PPP2R2B: variants seen among roughly 807,000 people sequenced by gnomAD.
The protein encoded by PPP2R2B is protein phosphatase 2 regulatory subunit Bbeta, also known as serine/threonine-protein phosphatase 2A 55 kDa regulatory subunit B beta isoform.
In PPP2R2B, 5 loss-of-function variants were observed where a neutral mutation model predicts 46.0. The ratio of observed to expected loss-of-function variants is 0.11; its 90% CI spans 0.06 to 0.23. The LOEUF (loss-of-function observed/expected upper bound fraction) is 0.23. Ranked by LOEUF, PPP2R2B falls within the 10% of genes least tolerant of loss-of-function variation. PPP2R2B has a pLI of 1.00. For missense variants in PPP2R2B, 367 were observed against 575.0 expected, an observed-to-expected ratio of 0.64 and a Z score of 3.70; for synonymous variants, 215 against 206.7, an observed-to-expected ratio of 1.04 and a Z score of -0.34.
At chr5:147,044,744 C>A (rs1198858269) in intron 1 of PPP2R2B, among the ~76,000 whole-genome samples, 1 of 152,086 alleles carries the variant, frequency 6.6e-6, no homozygotes, top group Non-Finnish European at 1.5e-5. Flanking sequence ...TGGTCAACTC[C>A]CCTGAGAGGG....
At chr5:146,938,795 C>T (rs1372742262) in intron 1 of PPP2R2B, among the ~76,000 whole-genome samples, 2 of 119,756 alleles carry the variant, frequency 1.7e-5, no homozygotes, top group Non-Finnish European at 3.2e-5. Context: ...ACAGAGTCTC[C>T]CTCTGTTGTC....
At chr5:146,739,929 AG>A (rs1752764816) in intron 2 of PPP2R2B, among the ~76,000 whole-genome samples, 1 of 152,236 alleles carries the variant, frequency 6.6e-6, no homozygotes, top group Non-Finnish European at 1.5e-5. Context: ...ACTACCAGGG[AG>A]TATCCTTAAC....
intron 1 of PPP2R2B, among the ~76,000 whole-genome samples, chr5:146,939,687 G>A (rs906170446): frequency 3.0e-4 from 45 of 152,114 alleles, no homozygotes; most frequent in African/African-American, 1.1e-3. Context: ...TAGTATTCCT[G>A]CTTGAATAGG....
At chr5:146,593,492 C>T (rs978931559) in intron 8 of PPP2R2B, among the ~76,000 whole-genome samples, 1 of 152,098 alleles carries the variant, frequency 6.6e-6, no homozygotes, top group Non-Finnish European at 1.5e-5. Flanking sequence ...GATTATATAA[C>T]CAAGTAAATA....
intron 7 of PPP2R2B, among the ~76,000 whole-genome samples, chr5:146,619,839 C>T (rs1773525992): frequency 6.6e-6 from 1 of 152,160 alleles, no homozygotes; most frequent in South Asian, 2.1e-4. Context: ...TCTAGAAAAA[C>T]TTCCTGGACA....
rs538030235 is a variant in PPP2R2B at position 146,983,554 on chromosome 5, A to T, written c.79+72111T>A. On this transcript the variant is annotated intron_variant, in intron 1 of 8. Coordinates refer to the PPP2R2B transcript ENST00000336640. ...ACATTATATAAACAAAAGTTATCAC[A>T]CTCTCCTGGGGGCGTCATTTTCCCA... 3.2e-4 allele frequency among the ~76,000 whole-genome samples: 49 copies of T among 152,072 alleles called. 1 individual carries two copies. Among genetic ancestry groups the T allele is most frequent in the African/African-American group, 1.1e-3 (46 of 41,480 alleles).
intron 2 of PPP2R2B, among the ~76,000 whole-genome samples, chr5:147,068,685 A>G (rs945391121): frequency 6.6e-6 from 1 of 152,218 alleles, no homozygotes; most frequent in African/African-American, 2.4e-5. Context: ...TGAATCATTG[A>G]CTGAAGAAAG....
chr5:146,993,807 GT>G (rs35383221), intron 1 of PPP2R2B, among the ~76,000 whole-genome samples: 72,992 of 149,800 alleles, frequency 0.49, 18,807 homozygotes, highest in Middle Eastern at 0.6. Context: ...ATCCAGCACA[GT>G]TTTTTTTTTT....
intron 7 of PPP2R2B, among the ~76,000 whole-genome samples, chr5:146,628,178 A>G (rs576673564): frequency 5.3e-5 from 8 of 152,042 alleles, no homozygotes; most frequent in Non-Finnish European, 8.8e-5. Flanking sequence ...CTCCTGACTT[A>G]AAGTGATCTG....
chr5:146,640,661 C>T (rs1001605015), intron 6 of PPP2R2B, among the ~76,000 whole-genome samples: 3 of 152,198 alleles, frequency 2.0e-5, no homozygotes, highest in Admixed American at 6.5e-5. Context: ...ACCAGTATAG[C>T]TCTGAAAACA....
At chr5:146,756,256 A>G (rs984001957) in intron 2 of PPP2R2B, among the ~76,000 whole-genome samples, 2 of 152,180 alleles carry the variant, frequency 1.3e-5, no homozygotes, top group African/African-American at 2.4e-5. Context: ...GTGGGTTACC[A>G]TTCATTGCCT....
chr5:146,805,792 G>A (rs543527473), intron 2 of PPP2R2B, among the ~76,000 whole-genome samples: 68 of 152,196 alleles, frequency 4.5e-4, no homozygotes, highest in Non-Finnish European at 9.3e-4. Context: ...GGAAGGCTGT[G>A]TTTGCCAACT....
intron 1 of PPP2R2B, among the ~76,000 whole-genome samples, chr5:147,054,034 T>A (rs957045275): frequency 9.2e-5 from 14 of 152,194 alleles, no homozygotes; most frequent in African/African-American, 3.4e-4. Flanking sequence ...CTGGTGATAG[T>A]GGGTGAAGCA....
At chr5:146,952,220 G>T (rs1751647822) in intron 1 of PPP2R2B, among the ~76,000 whole-genome samples, 1 of 151,352 alleles carries the variant, frequency 6.6e-6, no homozygotes, top group South Asian at 2.1e-4. Context: ...CCTTTTTTTG[G>T]GATGACCAAG....
chr5:147,013,315 T>G lies in PPP2R2B; in HGVS notation c.79+42350A>C, dbSNP rs1156982279. ...GTGAAAATGGCCATACTGCCCAAGG[T>G]AATTTACAGATTCAATGCCATCCCC... is the stretch of plus-strand genomic sequence containing the variant. On this transcript the variant is annotated intron_variant, in intron 1 of 8. Transcript: ENST00000336640. Among the ~76,000 whole-genome samples the G allele has an allele frequency of 1.9e-5, 2 of 102,668 alleles. 1 individual carries two copies. The highest frequency in any genetic ancestry group is 2.0e-4 in the Admixed American group (2 of 9,786). 67.4% of individuals were successfully genotyped at this position (102,668 alleles called of 152,430 possible). A position where few individuals can be genotyped will look rare whatever the true frequency, so the allele number is the denominator to read the frequency against.
chr5:146,638,196 C>T (rs1774947305), intron 7 of PPP2R2B, 55 bp downstream of exon 7: 1 of 1,568,114 alleles, frequency 6.4e-7, no homozygotes, highest in Non-Finnish European at 8.7e-7. Context: ...AGGCTCTCCC[C>T]CAGCACATTG....
At chr5:146,717,735 T>C (rs1480844797) in intron 2 of PPP2R2B, among the ~76,000 whole-genome samples, 2 of 152,078 alleles carry the variant, frequency 1.3e-5, no homozygotes, top group African/African-American at 4.8e-5. Flanking sequence ...TCGCAAACTA[T>C]CCCCTGACCT....
At chr5:147,071,910 T>A (rs1468677424) in intron 2 of PPP2R2B, among the ~76,000 whole-genome samples, 1 of 152,222 alleles carries the variant, frequency 6.6e-6, no homozygotes, top group Non-Finnish European at 1.5e-5. Context: ...CCAGATATTT[T>A]GATAGCAGTT....
At chr5:146,819,411 G>T (rs1168066561) in intron 2 of PPP2R2B, among the ~76,000 whole-genome samples, 2 of 152,166 alleles carry the variant, frequency 1.3e-5, no homozygotes, top group Non-Finnish European at 2.9e-5. Flanking sequence ...ATGGGAGTAT[G>T]CAGAGAGAGA....
Sources: gnomAD v4.1 joint callset for allele counts (sites outside exome capture counted in the v4.1 genomes callset) on GRCh38, gnomAD v4.1.1 for gene constraint, MANE v1.5 for transcripts, NCBI Gene and HGNC (gene_info 2026-07-23, HGNC 2026-07-21) for gene names.